IQCM: variants seen among roughly 807,000 people sequenced by gnomAD.
IQCM encodes the protein IQ motif containing M, also known as IQ domain-containing protein M.
IQCM carries 45 observed loss-of-function variants against 57.6 expected under a neutral mutation model. The ratio of observed to expected loss-of-function variants is 0.78; its 90% CI spans 0.62 to 1.00. The LOEUF is 1.00. Among genes scored for constraint, IQCM ranks in the 50% least tolerant of loss-of-function variants. The probability of loss-of-function intolerance (pLI) is 0.00; values close to 1 mark genes in which losing one functional copy is unlikely to be tolerated. For missense variants in IQCM, 468 were observed against 511.6 expected (o/e 0.91, Z 0.82); for synonymous variants, 148 against 158.9 (o/e 0.93, Z 0.51).
chr4:149,765,024 G>A (rs541416801), intron 2 of IQCM, among the ~76,000 whole-genome samples: 1 of 151,986 alleles, frequency 6.6e-6, no homozygotes, highest in Non-Finnish European at 1.5e-5. Flanking sequence ...AGAGTTGACA[G>A]CGCTAGACAT....
intron 8 of IQCM, among the ~76,000 whole-genome samples, chr4:149,593,026 G>A (rs1753362557): frequency 6.6e-6 from 1 of 152,092 alleles, no homozygotes; most frequent in Non-Finnish European, 1.5e-5. Flanking sequence ...GGATGGCATT[G>A]AATCTATAAA....
At chr4:149,390,460 A>G (rs1206728747) in intron 13 of IQCM, among the ~76,000 whole-genome samples, 1 of 151,784 alleles carries the variant, frequency 6.6e-6, no homozygotes, top group Non-Finnish European at 1.5e-5. Flanking sequence ...ATCAAGTGCA[A>G]TGTTGAATGG....
rs1471407561 is a variant in IQCM at position 149,563,754 on chromosome 4, C to T, written c.886G>A (p.Val296Ile). Residue 296 changes from valine (V) to isoleucine (I), a missense_variant, in exon 10 of 14, where the codon GTC (valine) becomes ATC (isoleucine). Transcript: ENST00000636793. ...CATCCCCTGACATGTGCCTGCATGA[C>T]GGTGACCATTCTAATCAATTTTGGG... ...ITPKLIRMVT[V>I]MQAHVRGWLE... is the part of the protein sequence containing the mutation. 1.5e-5 allele frequency: 18 copies of T among 1,232,032 alleles called. No homozygotes were observed. The highest frequency in any genetic ancestry group is 3.1e-5 in the African/African-American group (2 of 64,496). The allele number at this position is 1,232,032 out of a possible 1,614,324, so 76.3% of individuals were successfully genotyped here. A position where few individuals can be genotyped will look rare whatever the true frequency, so the allele number is the denominator to read the frequency against.
intron 12 of IQCM, among the ~76,000 whole-genome samples, chr4:149,493,072 G>A (rs1034270952): frequency 6.6e-6 from 1 of 151,984 alleles, no homozygotes; most frequent in Admixed American, 6.6e-5. Context: ...AGACTCATGG[G>A]GAATATCCAC....
intron 5 of IQCM, among the ~76,000 whole-genome samples, chr4:149,700,292 A>G (rs889831883): frequency 6.6e-6 from 1 of 152,040 alleles, no homozygotes; most frequent in African/African-American, 2.4e-5. Flanking sequence ...AGTTTAAACT[A>G]TCTTTAGTCC....
chr4:149,444,672 T>C (rs1034344718), intron 12 of IQCM, among the ~76,000 whole-genome samples: 3 of 150,910 alleles, frequency 2.0e-5, no homozygotes, highest in African/African-American at 4.9e-5. Flanking sequence ...AAAAATTATA[T>C]GAAAACTGAA....
At position 149,790,770 on chromosome 4, in the gene IQCM, G is replaced by A. The variant is rs531679174; in HGVS notation, c.-49+24541C>T. Among the ~76,000 whole-genome samples the A allele has an allele frequency of 2.3e-4, 35 of 152,216 alleles. No homozygotes were observed. The South Asian group carries it at 7.0e-3, about 31-fold the overall frequency. On this transcript the variant is annotated intron_variant, in intron 2 of 13. Coordinates refer to ENST00000636793, the MANE Select transcript of IQCM (RefSeq NM_001363507.2). Reference sequence around the variant, plus strand: ...CCTGCAGTGCCTCCTGTGAAATAGCGACAGAGGAGGGCATTTTTGTATTCC... The same window carrying A: ...CCTGCAGTGCCTCCTGTGAAATAGCAACAGAGGAGGGCATTTTTGTATTCC...
At chr4:149,688,951 T>A (rs1186082941) in intron 5 of IQCM, among the ~76,000 whole-genome samples, 1 of 151,872 alleles carries the variant, frequency 6.6e-6, no homozygotes, top group Non-Finnish European at 1.5e-5. Context: ...AAAAATCAAC[T>A]CAAGGTGGAT....
chr4:149,620,138 C>G (rs1290791314), intron 8 of IQCM, among the ~76,000 whole-genome samples: 4 of 151,064 alleles, frequency 2.6e-5, no homozygotes, highest in Non-Finnish European at 5.9e-5. Flanking sequence ...GCCTGAGCAA[C>G]AGAGAGAGAC....
At chr4:149,557,395 T>C (rs1749694525) in intron 10 of IQCM, among the ~76,000 whole-genome samples, 2 of 152,184 alleles carry the variant, frequency 1.3e-5, no homozygotes, top group African/African-American at 4.8e-5. Context: ...ATGTTACATC[T>C]CCATGCCTCA....
At chr4:149,359,506 AT>A (rs1729324583) in intron 13 of IQCM, among the ~76,000 whole-genome samples, 1 of 152,184 alleles carries the variant, frequency 6.6e-6, no homozygotes, top group South Asian at 2.1e-4. Flanking sequence ...TTTATTGTAG[AT>A]AATTAGGAAA....
chr4:149,801,543 T>C (rs1773602081), intron 2 of IQCM, among the ~76,000 whole-genome samples: 1 of 151,998 alleles, frequency 6.6e-6, no homozygotes, highest in Non-Finnish European at 1.5e-5. Context: ...TTATACACAA[T>C]GGAGTACTAT....
At chr4:149,379,479 A>G (rs1730929986) in intron 13 of IQCM, among the ~76,000 whole-genome samples, 1 of 152,192 alleles carries the variant, frequency 6.6e-6, no homozygotes, top group African/African-American at 2.4e-5. Flanking sequence ...GATGTGAGAC[A>G]TAGAGTCAAA....
At chr4:149,718,867 C>T (rs1052207583) in intron 5 of IQCM, among the ~76,000 whole-genome samples, 11 of 152,250 alleles carry the variant, frequency 7.2e-5, no homozygotes, top group African/African-American at 2.6e-4. Flanking sequence ...TTATAGCCAA[C>T]CTAGATAATC....
intron 9 of IQCM, among the ~76,000 whole-genome samples, chr4:149,580,477 TTTTC>T (rs1420615023): frequency 2.0e-5 from 3 of 151,774 alleles, no homozygotes; most frequent in East Asian, 1.9e-4. Context: ...GCTAAACTCA[TTTTC>T]TTTATTTTAA....
intron 9 of IQCM, among the ~76,000 whole-genome samples, chr4:149,574,888 A>G (rs1185471599): frequency 6.6e-6 from 1 of 151,916 alleles, no homozygotes; most frequent in Non-Finnish European, 1.5e-5. Context: ...TAAGCTGCAA[A>G]TATGTGACAA....
At chr4:149,678,681 G>A (rs1303200125) in intron 7 of IQCM, among the ~76,000 whole-genome samples, 1 of 151,410 alleles carries the variant, frequency 6.6e-6, no homozygotes, top group African/African-American at 2.4e-5. Context: ...AATAAATCTA[G>A]TATGAAGTCC....
At chr4:149,427,110 C>G (rs1490824313) in intron 13 of IQCM, among the ~76,000 whole-genome samples, 1 of 151,492 alleles carries the variant, frequency 6.6e-6, no homozygotes, top group Non-Finnish European at 1.5e-5. Context: ...TTTGAAGTTC[C>G]TCATTTGAAA....
chr4:149,713,020 A>C (rs1764691886), intron 5 of IQCM, among the ~76,000 whole-genome samples: 1 of 152,172 alleles, frequency 6.6e-6, no homozygotes, highest in African/African-American at 2.4e-5. Context: ...TAGCAAAATA[A>C]CTAATATCAG....
Sources: allele counts gnomAD v4.1 joint callset (sites outside exome capture counted in the v4.1 genomes callset), GRCh38; gene constraint gnomAD v4.1.1; transcripts MANE v1.5; gene names NCBI Gene and HGNC (gene_info 2026-07-23, HGNC 2026-07-21).